SMARCC2: variants seen among roughly 807,000 people sequenced by gnomAD.
SMARCC2 encodes SWI/SNF related BAF chromatin remodeling complex subunit C2, also known as SWI/SNF complex subunit SMARCC2.
Under a neutral mutation model 151.3 loss-of-function variants are expected in SMARCC2, and 15 were observed. The ratio of observed to expected loss-of-function variants is 0.10; its 90% CI spans 0.07 to 0.15. The LOEUF (loss-of-function observed/expected upper bound fraction) is 0.15, where lower values mean the gene tolerates loss of function less well. Ranked by LOEUF, SMARCC2 falls within the 10% of genes least tolerant of loss-of-function variation. The pLI, the probability that SMARCC2 is intolerant of heterozygous loss-of-function variation, is 1.00. For missense variants in SMARCC2, 1,031 were observed against 1,599.7 expected (o/e 0.64, Z 6.06); for synonymous variants, 590 against 609.5 (o/e 0.97, Z 0.47).
Position 56,172,600 on chromosome 12 carries a change from C to T in SMARCC2, c.1848G>A (p.Lys616=), listed in dbSNP as rs772629417. Reference sequence around the variant, plus strand: ...CACCTCCTACCTTGGAGGGAACATTCTTTTTTGTGTACATGTCTGTGCGCA... The same window carrying T: ...CACCTCCTACCTTGGAGGGAACATTTTTTTTTGTGTACATGTCTGTGCGCA... ...FGLRTDMYTK[K]NVPSKSKAAA... Residue 616 remains lysine (K), a synonymous_variant, in exon 19 of 29, where the codon AAG becomes AAA. Transcript: ENST00000550164. 6.2e-7 allele frequency: 1 copy of T among 1,614,218 alleles called. No homozygotes were observed. Among genetic ancestry groups the T allele is most frequent in the South Asian group, 1.1e-5 (1 of 91,078 alleles).
In SMARCC2 at chr12:56,165,487, T is replaced by C; in HGVS notation, c.3063A>G (p.Pro1021=). ...PPAVHGLAVA[P]ASVVPAPAGS... ...CAGCAGGAGCAGGGACTACAGAGGC[T>C]GGAGCCACAGCCAAGCCATGGACTG... The change falls in exon 27 of 29, where the codon CCA becomes CCG. Residue 1021 remains proline (P), a synonymous_variant. Coordinates refer to ENST00000550164, the MANE Select transcript of SMARCC2 (RefSeq NM_001330288.2). 1.3e-6 allele frequency: 2 copies of C among 1,576,214 alleles called. No homozygotes were observed. The highest frequency in any genetic ancestry group is 1.7e-6 in the Non-Finnish European group (2 of 1,160,748).
rs1874267042 is a variant in SMARCC2 at position 56,173,112 on chromosome 12, G to C, written c.1651-83C>G. 1.6e-5 allele frequency: 20 copies of C among 1,251,216 alleles called. No homozygotes were observed. In the South Asian group the frequency reaches 2.4e-4, roughly 15 times the overall value. 77.5% of individuals were successfully genotyped at this position (1,251,216 alleles called of 1,614,324 possible). A position where few individuals can be genotyped will look rare whatever the true frequency, so the allele number is the denominator to read the frequency against. On this transcript the variant is annotated intron_variant, in intron 17 of 28. Transcript: ENST00000550164. ...CTGGAGGCCTCAAGACCATATGCTG[G>C]GCGGCCCACAAGCTCTGGGGGCACT...
chr12:56,187,382 G>A, intron 1 of SMARCC2, 76 bp from the exon 2 acceptor site: 5 of 1,420,866 alleles, frequency 3.5e-6, no homozygotes, highest in South Asian at 1.2e-5. Flanking sequence ...TTCTCCCCCA[G>A]GGGCTCTGGA....
At chr12:56,180,567 C>G (rs1875999577) in intron 11 of SMARCC2, among the ~76,000 whole-genome samples, 1 of 151,532 alleles carries the variant, frequency 6.6e-6, no homozygotes, top group Admixed American at 6.6e-5. Flanking sequence ...CCACGCCCAG[C>G]TAATTTTTGT....
chr12:56,184,736 C>T (rs1438201856), intron 5 of SMARCC2, 108 bp downstream of exon 5: 1 of 684,220 alleles, frequency 1.5e-6, no homozygotes, highest in Non-Finnish European at 2.6e-6. Flanking sequence ...GTAGACAGAG[C>T]CACCTCTGAA....
At position 56,171,326 on chromosome 12, in the gene SMARCC2, G is replaced by A. The variant is rs1331219561; in HGVS notation, c.2292C>T (p.Phe764=). 20 of 1,614,066 alleles carry A rather than the reference G, an allele frequency of 1.2e-5. No individual in the cohort carries two copies. The highest frequency in any genetic ancestry group is 3.3e-5 in the Admixed American group (2 of 59,998). Reference sequence around the variant, plus strand: ...CTGCAATGCCACTGCTTTCCAGACCGAAGGCAGGGTCCGCCTTGCCTGTTA... The same window carrying A: ...CTGCAATGCCACTGCTTTCCAGACCAAAGGCAGGGTCCGCCTTGCCTGTTA... ...AKVTGKADPA[F]GLESSGIAGT... The change falls in exon 22 of 29, where the codon TTC becomes TTT. Residue 764 remains phenylalanine, a synonymous_variant. Coordinates refer to ENST00000550164, the MANE Select transcript of SMARCC2 (RefSeq NM_001330288.2). The surrounding 1 kb of genome is among the most constrained non-coding windows in gnomAD (Gnocchi z 4.2).
At chr12:56,179,454 A>T (rs1875686891) in intron 11 of SMARCC2, among the ~76,000 whole-genome samples, 1 of 152,174 alleles carries the variant, frequency 6.6e-6, no homozygotes, top group African/African-American at 2.4e-5. Flanking sequence ...TCAGGAGCAA[A>T]CATAGAGAAG....
At chr12:56,182,785 C>T (rs999813648) in intron 7 of SMARCC2, among the ~76,000 whole-genome samples, 1 of 137,080 alleles carries the variant, frequency 7.3e-6, no homozygotes, top group Non-Finnish European at 1.5e-5. Flanking sequence ...TAATCATAAC[C>T]ATACTAGATG....
At chr12:56,177,959 A>G in intron 15 of SMARCC2, 63 bp downstream of exon 15, 1 of 1,118,644 alleles carries the variant, frequency 8.9e-7, no homozygotes, top group African/African-American at 1.5e-5. Flanking sequence ...ATGTTACTGG[A>G]TCAGGAAGGG....
At chr12:56,178,663 G>C in intron 13 of SMARCC2, 129 bp from the exon 14 acceptor site, 1 of 1,456,142 alleles carries the variant, frequency 6.9e-7, no homozygotes, top group South Asian at 1.2e-5. Flanking sequence ...TGGGCCCCAG[G>C]ACTCTGAAAG....
chr12:56,164,813 G>A (rs1367197633), intron 27 of SMARCC2, 82 bp from the exon 28 acceptor site: 18 of 1,165,588 alleles, frequency 1.5e-5, no homozygotes, highest in Middle Eastern at 2.8e-4. Flanking sequence ...TTTTTTAGAC[G>A]GAGTCTCACT....
At chr12:56,164,798 A>AT (rs539098320) in intron 27 of SMARCC2, 67 bp from the exon 28 acceptor site, 6,285 of 1,132,938 alleles carry the variant, frequency 5.5e-3, no homozygotes, top group Non-Finnish European at 6.5e-3. Context: ...CACCTTTTCT[A>AT]TTTTTTTTTT....
At chr12:56,174,879 A>T (rs1002503795) in intron 15 of SMARCC2, 115 bp from the exon 16 acceptor site, 39 of 691,988 alleles carry the variant, frequency 5.6e-5, no homozygotes, top group Middle Eastern at 3.2e-4. Context: ...AGATGGAAAA[A>T]AGTAGATTAT....
chr12:56,165,628 C>G lies in SMARCC2; in HGVS notation c.2922G>C (p.Glu974Asp), dbSNP rs766009222. 2 of 1,613,620 alleles carry G rather than the reference C, an allele frequency of 1.2e-6. No homozygotes were observed. The highest frequency in any genetic ancestry group is 8.5e-7 in the Non-Finnish European group (1 of 1,180,044). ...GGAAGTGCTGCTGCCGAGCCCTCAT[C>G]TCCGCATACTTCAGCTGCTCCATGT... Reference protein sequence around the residue: ...AFHMEQLKYAEMRARQQHFQQ... With the variant: ...AFHMEQLKYADMRARQQHFQQ... The change falls in exon 27 of 29, where the codon GAG (glutamate) becomes GAC (aspartate). Residue 974 changes from glutamate to aspartate, a missense_variant. By Grantham distance (45) the Glu-to-Asp change is conservative. Coordinates refer to ENST00000550164, the MANE Select transcript of SMARCC2 (RefSeq NM_001330288.2).
Position 56,171,754 on chromosome 12 carries a change from C to T in SMARCC2, c.2110G>A (p.Val704Ile), listed in dbSNP as rs1452850000. Residue 704 changes from valine to isoleucine, a missense_variant, in exon 21 of 29, where the codon GTT becomes ATT. By Grantham distance (29) the Val-to-Ile change is conservative. Around this residue, in one of 12 missense-constraint regions of SMARCC2, gnomAD observed 51 missense variants for 137.9 expected, o/e 0.37. Transcript: ENST00000550164. The surrounding 1 kb of genome is among the most constrained non-coding windows in gnomAD (Gnocchi z 4.2). ...GCCAGGAAGGCAACAGTGCTCATAA[C>T]AGGGTTGCCCGACTGACTGAAGGGG... ...PIPFSQSGNP[V>I]MSTVAFLASV... is the part of the protein sequence containing the mutation. 6.2e-7 allele frequency: 1 copy of T among 1,610,822 alleles called. No homozygotes were observed. The highest frequency in any genetic ancestry group is 8.5e-7 in the Non-Finnish European group (1 of 1,178,572).
Position 56,172,599 on chromosome 12 carries a change from T to G in SMARCC2, c.1849A>C (p.Asn617His). ...GCACCTCCTACCTTGGAGGGAACAT[T>G]CTTTTTTGTGTACATGTCTGTGCGC... ...GLRTDMYTKK[N>H]VPSKSKAAAS... Residue 617 changes from asparagine (N) to histidine (H), a missense_variant, in exon 19 of 29, where the codon AAT (asparagine) becomes CAT (histidine). Asn to His is a moderately conservative substitution (Grantham distance 68, BLOSUM62 1). Around this residue, in one of 12 missense-constraint regions of SMARCC2, gnomAD observed 99 missense variants for 148.3 expected, o/e 0.67. Coordinates refer to ENST00000550164, the MANE Select transcript of SMARCC2 (RefSeq NM_001330288.2). The G allele has an allele frequency of 6.2e-7, 1 of 1,614,202 alleles. No individual in the cohort carries two copies. Among genetic ancestry groups the G allele is most frequent in the Non-Finnish European group, 8.5e-7 (1 of 1,180,030 alleles).
At position 56,180,913 on chromosome 12, in the gene SMARCC2, T is replaced by C. The variant is rs1876072629; in HGVS notation, c.1081+64A>G. ...ACCTGAGAAATCAGCTCACTTGGGG[T>C]TTGGCAAAGGAGAGTCAAGACGGGG... On this transcript the variant is annotated intron_variant, in intron 11 of 28. Transcript: ENST00000550164. 21 of 1,535,496 alleles carry C rather than the reference T, an allele frequency of 1.4e-5. No homozygotes were observed. In the South Asian group the frequency reaches 1.5e-4, roughly 11 times the overall value.
intron 15 of SMARCC2, among the ~76,000 whole-genome samples, chr12:56,175,919 T>TGA (rs1356801254): frequency 6.6e-6 from 1 of 152,016 alleles, no homozygotes; most frequent in Non-Finnish European, 1.5e-5. Context: ...AGTACAATGA[T>TGA]GAGATCTTGG....
chr12:56,178,556 G>C (rs759687397), intron 13 of SMARCC2, 22 bp from the exon 14 acceptor site: 1 of 1,614,120 alleles, frequency 6.2e-7, no homozygotes, highest in Admixed American at 1.7e-5. Context: ...GAGGCTGCTG[G>C]ACACTCAGCA....
Sources: allele counts gnomAD v4.1 joint callset (sites outside exome capture counted in the v4.1 genomes callset), GRCh38; gene constraint gnomAD v4.1.1; regional missense constraint gnomAD v4.1.1; non-coding constraint Gnocchi (gnomAD v3.1); transcripts MANE v1.5; gene names NCBI Gene and HGNC (gene_info 2026-07-23, HGNC 2026-07-21).